The following DDX10 variants were observed in gnomAD, a reference collection of about 807,000 sequenced individuals.
DDX10 encodes probable ATP-dependent RNA helicase DDX10.
DDX10 carries 74 observed loss-of-function variants against 104.3 expected under a neutral mutation model. That is an observed-to-expected ratio of 0.71 (90% CI 0.59 to 0.86). The LOEUF (loss-of-function observed/expected upper bound fraction) is 0.86, where lower values mean the gene tolerates loss of function less well. DDX10 is among the 40% of genes least tolerant of loss of function. The pLI is 0.00. For synonymous variants in DDX10, 351 were observed against 353.4 expected, an observed-to-expected ratio of 0.99 and a Z score of 0.08; for missense variants, 952 against 1,040.0, an observed-to-expected ratio of 0.92 and a Z score of 1.16.
At chr11:108,687,335 C>T (rs925353704) in intron 6 of DDX10, among the ~76,000 whole-genome samples, 2 of 152,048 alleles carry the variant, frequency 1.3e-5, no homozygotes, top group African/African-American at 4.8e-5. Flanking sequence ...GAGACAAGGT[C>T]TTACTCTGTC....
chr11:108,899,473 A>T (rs1468599313), intron 16 of DDX10, among the ~76,000 whole-genome samples: 1 of 151,964 alleles, frequency 6.6e-6, no homozygotes, highest in African/African-American at 2.4e-5. Context: ...CATTAGAAAC[A>T]CTTCAAAGCA....
intron 13 of DDX10, among the ~76,000 whole-genome samples, chr11:108,765,363 G>A (rs1480082049): frequency 6.6e-6 from 1 of 152,086 alleles, no homozygotes; most frequent in Non-Finnish European, 1.5e-5. Flanking sequence ...ATAAGAAAAA[G>A]CATTAAACTT....
At chr11:108,857,310 C>A (rs1451120188) in intron 16 of DDX10, among the ~76,000 whole-genome samples, 1 of 152,150 alleles carries the variant, frequency 6.6e-6, no homozygotes, top group African/African-American at 2.4e-5. Flanking sequence ...ATCTAGAAGG[C>A]AGGCTATGTC....
chr11:108,854,209 C>T (rs1287236131), intron 16 of DDX10, among the ~76,000 whole-genome samples: 2 of 152,136 alleles, frequency 1.3e-5, no homozygotes, highest in African/African-American at 4.8e-5. Flanking sequence ...GTTGAAGGCT[C>T]TCATGGCTTT....
At chr11:108,759,282 C>T (rs955511273) in intron 13 of DDX10, among the ~76,000 whole-genome samples, 2 of 151,776 alleles carry the variant, frequency 1.3e-5, no homozygotes, top group Non-Finnish European at 2.9e-5. Context: ...ACCTATATGA[C>T]CAAAACAAAA....
At chr11:108,693,981 C>T (rs949635350) in intron 9 of DDX10, among the ~76,000 whole-genome samples, 1 of 152,082 alleles carries the variant, frequency 6.6e-6, no homozygotes, top group Admixed American at 6.5e-5. Context: ...CCAATATATG[C>T]TATGTTTTTT....
At chr11:108,830,812 G>A (rs1862459197) in intron 13 of DDX10, among the ~76,000 whole-genome samples, 1 of 152,166 alleles carries the variant, frequency 6.6e-6, no homozygotes, top group African/African-American at 2.4e-5. Context: ...AGATAATCAT[G>A]TGATTTTTGT....
chr11:108,702,900 C>G (rs2094270490), intron 9 of DDX10, among the ~76,000 whole-genome samples: 2 of 152,294 alleles, frequency 1.3e-5, no homozygotes, highest in East Asian at 3.9e-4. Context: ...TTGCTACTTC[C>G]TACTGGTTGC....
In DDX10 at chr11:108,784,003, G is replaced by A. The variant is rs540092334; in HGVS notation, c.1966-54443G>A. 1.2e-4 allele frequency among the ~76,000 whole-genome samples: 19 copies of A among 152,252 alleles called. No individual in the cohort carries two copies. In the South Asian group the frequency reaches 3.3e-3, roughly 27 times the overall value. ...GCAGCAAAGGACAGCCTAAGGCTGC[G>A]TAGTATTCTGTAGTGTATATGTTCC... is the stretch of plus-strand genomic sequence containing the variant. On this transcript the variant is annotated intron_variant, in intron 13 of 17. Transcript: ENST00000322536.
intron 13 of DDX10, among the ~76,000 whole-genome samples, chr11:108,764,117 G>A (rs547169688): frequency 6.6e-6 from 1 of 152,240 alleles, no homozygotes; most frequent in Admixed American, 6.5e-5. Context: ...TATATATTGT[G>A]TTAGATAGCA....
chr11:108,862,783 G>A (rs1475960425), intron 16 of DDX10, among the ~76,000 whole-genome samples: 20 of 152,198 alleles, frequency 1.3e-4, no homozygotes, highest in Admixed American at 1.3e-3. Context: ...GCCTTGGAAT[G>A]TTGTGGAGAT....
At chr11:108,793,398 C>T (rs1861897234) in intron 13 of DDX10, among the ~76,000 whole-genome samples, 1 of 152,120 alleles carries the variant, frequency 6.6e-6, no homozygotes, top group Non-Finnish European at 1.5e-5. Context: ...ACAAACTGCC[C>T]TAAAACTTGC....
At chr11:108,909,651 T>C (rs544832119) in intron 16 of DDX10, among the ~76,000 whole-genome samples, 9 of 152,308 alleles carry the variant, frequency 5.9e-5, no homozygotes, top group South Asian at 2.1e-4. Context: ...ATTTGTAGTC[T>C]ACTGGCCACT....
At chr11:108,808,565 C>A (rs1862131920) in intron 13 of DDX10, among the ~76,000 whole-genome samples, 1 of 152,020 alleles carries the variant, frequency 6.6e-6, no homozygotes, top group African/African-American at 2.4e-5. Flanking sequence ...GTATGTAAAT[C>A]CAGTTTTGCA....
intron 13 of DDX10, among the ~76,000 whole-genome samples, chr11:108,769,748 G>A (rs1179531050): frequency 6.6e-6 from 1 of 152,014 alleles, no homozygotes; most frequent in African/African-American, 2.4e-5. Flanking sequence ...ACTCTTTTTA[G>A]TCTCAATAAC....
chr11:108,815,654 C>A (rs772659396), intron 13 of DDX10, among the ~76,000 whole-genome samples: 14 of 152,060 alleles, frequency 9.2e-5, no homozygotes, highest in Non-Finnish European at 1.8e-4. Context: ...ATTCAGAGAA[C>A]CCTTATTAAA....
At chr11:108,875,935 T>C (rs946108897) in intron 16 of DDX10, among the ~76,000 whole-genome samples, 2 of 152,158 alleles carry the variant, frequency 1.3e-5, no homozygotes, top group Non-Finnish European at 2.9e-5. Flanking sequence ...GAACCTAACT[T>C]AGAGTGACTA....
At chr11:108,698,848 G>A (rs1437040597) in intron 9 of DDX10, among the ~76,000 whole-genome samples, 1 of 152,136 alleles carries the variant, frequency 6.6e-6, no homozygotes, top group Admixed American at 6.5e-5. Flanking sequence ...TCTATGCTCC[G>A]TACTGGTCTT....
At chr11:108,817,877 T>G (rs750962541) in intron 13 of DDX10, among the ~76,000 whole-genome samples, 4 of 152,224 alleles carry the variant, frequency 2.6e-5, no homozygotes, top group Admixed American at 2.0e-4. Flanking sequence ...GGCATTTGCC[T>G]CTGAAGTCTT....
Sources: allele counts gnomAD v4.1 joint callset (sites outside exome capture counted in the v4.1 genomes callset), GRCh38; gene constraint gnomAD v4.1.1; transcripts MANE v1.5; gene names NCBI Gene and HGNC (gene_info 2026-07-23, HGNC 2026-07-21).